The following GABRB1 variants were observed in gnomAD, a reference collection of about 807,000 sequenced individuals.
GABRB1 encodes the protein gamma-aminobutyric acid type A receptor subunit beta1.
GABRB1 carries 17 observed loss-of-function variants against 51.6 expected under a neutral mutation model. That is an observed-to-expected ratio of 0.33 (90% CI 0.23 to 0.49). GABRB1 has a LOEUF of 0.49. Ranked by LOEUF, GABRB1 falls within the 20% of genes least tolerant of loss-of-function variation. The probability of loss-of-function intolerance (pLI) is 0.99; values close to 1 mark genes in which losing one functional copy is unlikely to be tolerated. For synonymous variants in GABRB1, 247 were observed against 218.9 expected (o/e 1.13, Z -1.14); for missense variants, 410 against 600.6 (o/e 0.68, Z 3.32).
At chr4:47,244,401 A>G (rs759443782) in intron 4 of GABRB1, among the ~76,000 whole-genome samples, 6 of 152,096 alleles carry the variant, frequency 3.9e-5, no homozygotes, top group Non-Finnish European at 8.8e-5. Flanking sequence ...GCCTCATACA[A>G]TGAGTTAGAG....
At chr4:47,337,154 A>G (rs1410924768) in intron 5 of GABRB1, among the ~76,000 whole-genome samples, 2 of 152,144 alleles carry the variant, frequency 1.3e-5, no homozygotes, top group Non-Finnish European at 2.9e-5. Context: ...TAAGAAACAG[A>G]GTCACTTGAA....
intron 4 of GABRB1, among the ~76,000 whole-genome samples, chr4:47,255,507 A>G (rs890794719): frequency 1.4e-4 from 21 of 152,356 alleles, no homozygotes; most frequent in African/African-American, 4.8e-4. Context: ...ACAAGCATTT[A>G]TTGTCCTCTT....
At chr4:47,099,543 T>G (rs1419306930) in intron 3 of GABRB1, among the ~76,000 whole-genome samples, 1 of 152,100 alleles carries the variant, frequency 6.6e-6, no homozygotes, top group East Asian at 1.9e-4. Context: ...ATACAAGTAA[T>G]AAAGCTTATG....
intron 3 of GABRB1, among the ~76,000 whole-genome samples, chr4:47,048,225 A>G (rs1185355659): frequency 3.9e-5 from 6 of 152,150 alleles, no homozygotes; most frequent in Non-Finnish European, 5.9e-5. Flanking sequence ...CCACACATTC[A>G]GAGACAATGA....
chr4:47,370,561 A>C (rs972959195), intron 5 of GABRB1, among the ~76,000 whole-genome samples: 1 of 152,160 alleles, frequency 6.6e-6, no homozygotes, highest in African/African-American at 2.4e-5. Flanking sequence ...TGATCAATTA[A>C]GTTTAAATTA....
chr4:47,265,110 C>T (rs540497039), intron 4 of GABRB1, among the ~76,000 whole-genome samples: 11 of 152,218 alleles, frequency 7.2e-5, no homozygotes, highest in Middle Eastern at 3.4e-3. Context: ...TCACTCCCCT[C>T]TCAATTTTCT....
intron 3 of GABRB1, among the ~76,000 whole-genome samples, chr4:47,106,962 G>T (rs767256310): frequency 1.3e-4 from 20 of 152,078 alleles, no homozygotes; most frequent in Non-Finnish European, 2.8e-4. Context: ...TCACCATGGT[G>T]ATTGGGTGGC....
intron 3 of GABRB1, among the ~76,000 whole-genome samples, chr4:47,057,556 G>A (rs982735380): frequency 3.3e-5 from 5 of 152,176 alleles, no homozygotes; most frequent in Admixed American, 6.5e-5. Context: ...TTTAAGTAGC[G>A]TATCCTGTGC....
intron 3 of GABRB1, among the ~76,000 whole-genome samples, chr4:47,106,961 T>C (rs543738477): frequency 6.6e-6 from 1 of 152,106 alleles, no homozygotes; most frequent in East Asian, 1.9e-4. Flanking sequence ...CTCACCATGG[T>C]GATTGGGTGG....
At chr4:47,276,174 T>TG (rs1167886140) in intron 4 of GABRB1, among the ~76,000 whole-genome samples, 3 of 152,184 alleles carry the variant, frequency 2.0e-5, no homozygotes, top group African/African-American at 7.2e-5. Context: ...CAAGTTGCTG[T>TG]GTTCAAACTT....
intron 3 of GABRB1, among the ~76,000 whole-genome samples, chr4:47,053,483 C>T (rs1403340472): frequency 6.6e-6 from 1 of 152,188 alleles, no homozygotes; most frequent in African/African-American, 2.4e-5. Flanking sequence ...TTCGTGAATA[C>T]TCTGTCTTCA....
chr4:47,285,041 T>C (rs1723456253), intron 4 of GABRB1, among the ~76,000 whole-genome samples: 1 of 152,212 alleles, frequency 6.6e-6, no homozygotes, highest in South Asian at 2.1e-4. Context: ...TGTCTTCTTA[T>C]AGTTTGCAAT....
chr4:47,229,816 G>T (rs1721072224), intron 4 of GABRB1, among the ~76,000 whole-genome samples: 1 of 152,004 alleles, frequency 6.6e-6, no homozygotes, highest in African/African-American at 2.4e-5. Context: ...AACTTTGGGG[G>T]CTACCAGAGC....
rs1726965562 is a variant in GABRB1, at chr4:47,365,919, A to G, written c.545-37399A>G. On this transcript the variant is annotated intron_variant, in intron 5 of 8. Transcript: ENST00000295454. Reference sequence around the variant, plus strand: ...CAGGATGCTTTGTTGTCCAGTTCTTACCTTGTTGCTTTCTCTTAGCCCAGT... The same window carrying G: ...CAGGATGCTTTGTTGTCCAGTTCTTGCCTTGTTGCTTTCTCTTAGCCCAGT... Among the ~76,000 whole-genome samples, 4 of 152,116 alleles carry G rather than the reference A, an allele frequency of 2.6e-5. No homozygotes were observed. In the South Asian group the frequency reaches 8.3e-4, roughly 32 times the overall value.
At chr4:47,403,201 G>C in intron 5 of GABRB1, 117 bp from the exon 6 acceptor site, 3 of 1,100,900 alleles carry the variant, frequency 2.7e-6, no homozygotes, top group Non-Finnish European at 1.3e-6. Flanking sequence ...TACCACCCTA[G>C]TTTAAAGCAA....
chr4:47,396,734 G>A (rs922644318), intron 5 of GABRB1, among the ~76,000 whole-genome samples: 13 of 152,184 alleles, frequency 8.5e-5, no homozygotes, highest in Middle Eastern at 3.4e-3. Context: ...TAATACTTTC[G>A]ATAGCTGAAG....
At chr4:47,362,509 C>T (rs1373495087) in intron 5 of GABRB1, among the ~76,000 whole-genome samples, 2 of 152,006 alleles carry the variant, frequency 1.3e-5, no homozygotes, top group Admixed American at 6.6e-5. Flanking sequence ...CGAGCATTTT[C>T]GAAGGTTTGA....
At chr4:47,233,104 G>T (rs372805528) in intron 4 of GABRB1, among the ~76,000 whole-genome samples, 2 of 152,072 alleles carry the variant, frequency 1.3e-5, no homozygotes, top group East Asian at 1.9e-4. Flanking sequence ...TTAAACTCCT[G>T]AGCTCAGGCA....
intron 3 of GABRB1, among the ~76,000 whole-genome samples, chr4:47,149,226 A>T (rs1449362951): frequency 1.3e-5 from 2 of 152,050 alleles, no homozygotes; most frequent in Non-Finnish European, 2.9e-5. Context: ...AATTATTATT[A>T]AGTATTTAGG....
Sources: gnomAD v4.1 joint callset for allele counts (sites outside exome capture counted in the v4.1 genomes callset) on GRCh38, gnomAD v4.1.1 for gene constraint, MANE v1.5 for transcripts, NCBI Gene and HGNC (gene_info 2026-07-23, HGNC 2026-07-21) for gene names.